Variants in CNGB1 observed in about 807,000 individuals in gnomAD.
CNGB1 encodes the protein cyclic nucleotide gated channel subunit beta 1.
CNGB1 carries 126 observed loss-of-function variants against 151.7 expected under a neutral mutation model. The observed-to-expected ratio is 0.83, with a 90% CI of 0.72 to 0.96. The LOEUF (loss-of-function observed/expected upper bound fraction) is 0.96. Among genes scored for constraint, CNGB1 ranks in the 40% least tolerant of loss-of-function variants. The probability of loss-of-function intolerance (pLI) is 0.00; values close to 1 mark genes in which losing one functional copy is unlikely to be tolerated. For synonymous variants in CNGB1, 623 were observed against 635.1 expected, an observed-to-expected ratio of 0.98 and a Z score of 0.29; for missense variants, 1,698 against 1,627.0, an observed-to-expected ratio of 1.04 and a Z score of -0.75.
intron 14 of CNGB1, 122 bp from the exon 15 acceptor site, chr16:57,940,443 C>T: frequency 1.1e-6 from 1 of 885,708 alleles, no homozygotes; most frequent in Non-Finnish European, 1.8e-6. Context: ...GCCCAAGAAC[C>T]AGTCTCAACC....
chr16:57,951,019 T>A (rs1449581467), intron 12 of CNGB1, among the ~76,000 whole-genome samples: 1 of 152,170 alleles, frequency 6.6e-6, no homozygotes, highest in African/African-American at 2.4e-5. Context: ...AGCACGCCCA[T>A]ACGTTCGGCA....
chr16:57,899,061 T>C (rs1355147453), intron 29 of CNGB1, among the ~76,000 whole-genome samples: 4 of 152,104 alleles, frequency 2.6e-5, no homozygotes, highest in Non-Finnish European at 4.4e-5. Flanking sequence ...AAAAACTAGA[T>C]GACCACCTAC....
intron 12 of CNGB1, chr16:57,954,980 C>A (rs1460509967): frequency 3.1e-5 from 34 of 1,108,488 alleles, no homozygotes; most frequent in Non-Finnish European, 3.5e-5. Context: ...AACTTCGGGG[C>A]TCAAGCAATC....
chr16:57,932,508 TTCTCCTG>T (rs1961382769), intron 16 of CNGB1, among the ~76,000 whole-genome samples: 1 of 149,418 alleles, frequency 6.7e-6, no homozygotes, highest in South Asian at 2.2e-4. Flanking sequence ...GTTCATGCCA[TTCTCCTG>T]CCTCAGCCTC....
At chr16:57,948,936 G>C (rs1246489766) in intron 14 of CNGB1, among the ~76,000 whole-genome samples, 1 of 152,184 alleles carries the variant, frequency 6.6e-6, no homozygotes, top group African/African-American at 2.4e-5. Flanking sequence ...AACCAAGGTG[G>C]GTGGATATGG....
chr16:57,932,207 A>C (rs567492049), intron 16 of CNGB1, among the ~76,000 whole-genome samples: 1 of 152,222 alleles, frequency 6.6e-6, no homozygotes, highest in East Asian at 1.9e-4. Context: ...AGCAAGCTCC[A>C]AGAGCTGAGG....
chr16:57,888,099 C>T (rs981274711), intron 31 of CNGB1, 25 bp from the exon 32 acceptor site: 2 of 1,607,096 alleles, frequency 1.2e-6, no homozygotes, highest in Non-Finnish European at 1.7e-6. Context: ...CATCCATTGA[C>T]ATCACAGACG....
In CNGB1 at chr16:57,901,345, A is replaced by T; in HGVS notation, c.2976+7T>A. 5.6e-6 allele frequency: 9 copies of T among 1,613,916 alleles called. No homozygotes were observed. Among genetic ancestry groups the T allele is most frequent in the Non-Finnish European group, 7.6e-6 (9 of 1,179,912 alleles). Reference sequence around the variant, plus strand: ...CAGATCCCGTGGTGGCTGCCAGGCCAGCTCACCTTCTTGCACACATAGTCG... The same window carrying T: ...CAGATCCCGTGGTGGCTGCCAGGCCTGCTCACCTTCTTGCACACATAGTCG... On this transcript the variant is annotated splice_region_variant and intron_variant, in intron 29 of 32. Coordinates refer to ENST00000251102, the MANE Select transcript of CNGB1 (RefSeq NM_001297.5).
chr16:57,890,333 ACCAGACGCCT>A (rs1960052719), intron 31 of CNGB1, among the ~76,000 whole-genome samples: 1 of 152,190 alleles, frequency 6.6e-6, no homozygotes, highest in Non-Finnish European at 1.5e-5. Context: ...ATGATAATTC[ACCAGACGCCT>A]CTGACACGCG....
chr16:57,912,603 C>T (rs901662573), intron 24 of CNGB1, among the ~76,000 whole-genome samples: 3 of 145,942 alleles, frequency 2.1e-5, no homozygotes, highest in African/African-American at 7.6e-5. Context: ...TTGTGTGTGT[C>T]ATTTGTGTCG....
chr16:57,890,162 C>T (rs953176388), intron 31 of CNGB1, among the ~76,000 whole-genome samples: 1 of 152,182 alleles, frequency 6.6e-6, no homozygotes, highest in African/African-American at 2.4e-5. Flanking sequence ...AATGAATTGG[C>T]AAATTCATTC....
At chr16:57,950,892 A>G (rs1398144203) in intron 12 of CNGB1, among the ~76,000 whole-genome samples, 3 of 152,208 alleles carry the variant, frequency 2.0e-5, no homozygotes, top group African/African-American at 7.2e-5. Flanking sequence ...GGGATGCCAA[A>G]AGGCCCAGGT....
At chr16:57,969,012 GA>G (rs890057796) in intron 1 of CNGB1, among the ~76,000 whole-genome samples, 17 of 147,836 alleles carry the variant, frequency 1.1e-4, no homozygotes, top group African/African-American at 3.2e-4. Flanking sequence ...CTCAAAAAAA[GA>G]AAAAAAAATG....
intron 17 of CNGB1, among the ~76,000 whole-genome samples, chr16:57,929,899 T>C (rs1181225894): frequency 1.3e-5 from 2 of 152,084 alleles, no homozygotes; most frequent in Non-Finnish European, 2.9e-5. Context: ...AGATACCATC[T>C]CACACCTGTT....
In CNGB1 at chr16:57,949,425, A is replaced by G. The variant is rs1312136222; in HGVS notation, c.1049T>C (p.Ile350Thr). ...VEKMPRELSR[I>T]EEEKEDEEEE... is the part of the protein sequence containing the mutation. ...CTCCTCATCTTCTTTCTCCTCTTCAATCCGGGACAGCTCTCTGAGTTGGGG... is the reference window on the plus strand; with the variant it reads ...CTCCTCATCTTCTTTCTCCTCTTCAGTCCGGGACAGCTCTCTGAGTTGGGG... Residue 350 changes from isoleucine (I) to threonine (T), a missense_variant, in exon 14 of 33, where the codon ATT (isoleucine) becomes ACT (threonine). Coordinates refer to ENST00000251102, the MANE Select transcript of CNGB1 (RefSeq NM_001297.5). 8.7e-6 allele frequency: 14 copies of G among 1,613,250 alleles called. No individual in the cohort carries two copies. Among genetic ancestry groups the G allele is most frequent in the African/African-American group, 1.3e-5 (1 of 74,832 alleles).
intron 21 of CNGB1, among the ~76,000 whole-genome samples, chr16:57,916,428 T>C (rs1262196329): frequency 6.6e-6 from 1 of 152,178 alleles, no homozygotes; most frequent in African/African-American, 2.4e-5. Flanking sequence ...TTAAGCTTAT[T>C]CCCTCTGCCC....
intron 17 of CNGB1, 113 bp from the exon 18 acceptor site, chr16:57,923,493 G>T (rs780133770): frequency 2.4e-6 from 2 of 848,380 alleles, no homozygotes; most frequent in Non-Finnish European, 3.8e-6. Context: ...GATAGAGGAT[G>T]GGGGGCGGAG....
chr16:57,912,840 TGTC>T lies in CNGB1; in HGVS notation c.2369+87_2369+89del. 3.1e-6 allele frequency: 4 copies of T among 1,282,272 alleles called. No homozygotes were observed. In the South Asian group the frequency reaches 4.8e-5, roughly 15 times the overall value. The allele number at this position is 1,282,272 out of a possible 1,614,324, so 79.4% of individuals were successfully genotyped here. A position where few individuals can be genotyped will look rare whatever the true frequency, so the allele number is the denominator to read the frequency against. On this transcript the variant is annotated intron_variant, in intron 24 of 32. Transcript: ENST00000251102. ...GTGTGTCGTGTGTGTGTTGTGTGTG[TGTC>T]ATCTGTGTTGTGTGTGTATTGCGTG... is the stretch of plus-strand genomic sequence containing the variant.
chr16:57,949,175 A>G (rs1961883908), intron 14 of CNGB1, among the ~76,000 whole-genome samples, 178 bp downstream of exon 14: 5 of 152,124 alleles, frequency 3.3e-5, no homozygotes. Flanking sequence ...TTCCCAGGTC[A>G]TGATGAGCAC....
Sources: gnomAD v4.1 joint callset for allele counts (sites outside exome capture counted in the v4.1 genomes callset) on GRCh38, gnomAD v4.1.1 for gene constraint, MANE v1.5 for transcripts, NCBI Gene and HGNC (gene_info 2026-07-23, HGNC 2026-07-21) for gene names.